Variants in IRF8 observed in about 807,000 individuals in gnomAD.
The protein encoded by IRF8 is interferon consensus sequence binding protein 1.
IRF8 carries 14 observed loss-of-function variants against 48.7 expected under a neutral mutation model. The ratio of observed to expected loss-of-function variants is 0.29; its 90% confidence interval spans 0.19 to 0.45. IRF8 has a LOEUF of 0.45. Among genes scored for constraint, IRF8 ranks in the 20% least tolerant of loss-of-function variants. The pLI, the probability that IRF8 is intolerant of heterozygous loss-of-function variation, is 1.00. For synonymous variants in IRF8, 278 were observed against 227.3 expected, an observed-to-expected ratio of 1.22 and a Z score of -2.01; for missense variants, 493 against 580.7, an observed-to-expected ratio of 0.85 and a Z score of 1.55.
At chr16:85,916,170 C>T (rs756788266) in intron 6 of IRF8, among the ~76,000 whole-genome samples, 26 of 152,222 alleles carry the variant, frequency 1.7e-4, no homozygotes, top group Non-Finnish European at 3.2e-4. Flanking sequence ...CAAATACAAG[C>T]TCCGATAATC....
rs906335662 is a variant in IRF8 at position 85,918,077 on chromosome 16, T to C, written c.602-340T>C. On this transcript the variant is annotated intron_variant, in intron 6 of 8. Transcript: ENST00000268638. ...TGAGACGGAGTATTGTCATAAGAAA[T>C]GAGTTGTCGAAACATCGTTTGCCCT... Among the ~76,000 whole-genome samples, 3 of 152,298 alleles carry C rather than the reference T, an allele frequency of 2.0e-5. No individual in the cohort carries two copies. The East Asian group carries it at 5.8e-4, about 29-fold the overall frequency.
At chr16:85,915,175 G>A (rs549378269) in intron 6 of IRF8, among the ~76,000 whole-genome samples, 1 of 152,246 alleles carries the variant, frequency 6.6e-6, no homozygotes, top group African/African-American at 2.4e-5. Context: ...TGGCCTTTGT[G>A]TGTAGTCTCA....
intron 1 of IRF8, among the ~76,000 whole-genome samples, chr16:85,901,895 G>A (rs1398649692): frequency 6.6e-6 from 1 of 151,732 alleles, no homozygotes; most frequent in African/African-American, 2.4e-5. Context: ...TGCCCAAAGA[G>A]GTCACATTTT....
chr16:85,913,338 C>G (rs904459632), intron 5 of IRF8, 102 bp downstream of exon 5: 2 of 840,386 alleles, frequency 2.4e-6, no homozygotes, highest in Non-Finnish European at 4.0e-6. Flanking sequence ...CTATCATGAT[C>G]CATGTCTCAT....
At chr16:85,918,319 G>C (rs564337533) in intron 6 of IRF8, 98 bp from the exon 7 acceptor site, 78 of 1,388,832 alleles carry the variant, frequency 5.6e-5, no homozygotes, top group Admixed American at 2.2e-4. Context: ...GACACACAAA[G>C]AGTTACCCGT....
chr16:85,903,142 G>T lies in IRF8; in HGVS notation c.127G>T (p.Ala43Ser). 1 of 1,614,190 alleles carries T rather than the reference G, an allele frequency of 6.2e-7. No individual in the cohort carries two copies. Among genetic ancestry groups the T allele is most frequent in the South Asian group, 1.1e-5 (1 of 91,082 alleles). ...KSMFRIPWKH[A>S]GKQDYNQEVD... ...CATGTTCCGGATCCCTTGGAAACAC[G>T]CTGGCAAGCAAGATTATAATCAGGA... Residue 43 changes from alanine (A) to serine (S), a missense_variant, in exon 2 of 9, where the codon GCT (alanine) becomes TCT (serine). Transcript: ENST00000268638.
chr16:85,918,354 T>G lies in IRF8; in HGVS notation c.602-63T>G, dbSNP rs750704275. ...TGTAGGTGTGAGACAGACTGTGCAC[T>G]TGGGCAGGAGGGACCCTGTATGTCT... is the stretch of plus-strand genomic sequence containing the variant. On this transcript the variant is annotated intron_variant, in intron 6 of 8. Coordinates refer to ENST00000268638, the MANE Select transcript of IRF8 (RefSeq NM_002163.4). 1.2e-5 allele frequency: 18 copies of G among 1,551,528 alleles called. No homozygotes were observed. The African/African-American group carries it at 2.4e-4, about 21-fold the overall frequency.
rs776710272 is a variant in IRF8, at chr16:85,918,577, G to A, written c.762G>A (p.Pro254=). The A allele has an allele frequency of 5.6e-6, 9 of 1,605,388 alleles. No homozygotes were observed. The highest frequency in any genetic ancestry group is 1.1e-5 in the South Asian group (1 of 90,966). ...GCCTGGAGCTGGTGCGCTTCCCGCC[G>A]GCCGACGCCATCCCCAGCGAGCGAC... The part of the protein sequence containing the change: ...PEGLELVRFP[P]ADAIPSERQR... Residue 254 remains proline, a synonymous_variant, in exon 7 of 9, where the codon CCG becomes CCA. Transcript: ENST00000268638.
chr16:85,899,868 C>G (rs751561886), intron 1 of IRF8, among the ~76,000 whole-genome samples: 33 of 152,186 alleles, frequency 2.2e-4, no homozygotes, highest in Non-Finnish European at 4.6e-4. Context: ...ATAGGACAGA[C>G]TTTCCTAAGG....
At chr16:85,902,426 C>T (rs961647627) in intron 1 of IRF8, among the ~76,000 whole-genome samples, 1 of 152,140 alleles carries the variant, frequency 6.6e-6, no homozygotes, top group Non-Finnish European at 1.5e-5. Flanking sequence ...TGAGCGGTGG[C>T]GGGACTTGAA....
chr16:85,905,167 T>C (rs1480411967), intron 2 of IRF8, among the ~76,000 whole-genome samples: 4 of 152,222 alleles, frequency 2.6e-5, no homozygotes, highest in Non-Finnish European at 5.9e-5. Flanking sequence ...TGATAAGAGC[T>C]GGCCACTGCC....
intron 6 of IRF8, among the ~76,000 whole-genome samples, chr16:85,916,745 G>C (rs923049056): frequency 6.6e-6 from 1 of 152,216 alleles, no homozygotes; most frequent in African/African-American, 2.4e-5. Flanking sequence ...AAGTTCGAAA[G>C]TTGCTTCAGG....
At chr16:85,916,143 C>G (rs1006975027) in intron 6 of IRF8, among the ~76,000 whole-genome samples, 5 of 152,314 alleles carry the variant, frequency 3.3e-5, no homozygotes, top group Middle Eastern at 3.4e-3. Flanking sequence ...TTAACTGGTG[C>G]TTACCTGTGC....
In IRF8 at chr16:85,909,103, G is replaced by C. The variant is rs111379528; in HGVS notation, c.288G>C (p.Thr96=). The part of the protein sequence containing the change: ...LNKSPDFEEV[T]DRSQLDISEP... ...AGAGCCCAGATTTTGAGGAAGTGAC[G>C]GACCGGTCCCAACTGGACATTTCCG... The change falls in exon 3 of 9, where the codon ACG becomes ACC. Residue 96 remains threonine (T), a synonymous_variant. Transcript: ENST00000268638. 2.5e-6 allele frequency: 4 copies of C among 1,614,148 alleles called. No individual in the cohort carries two copies. The highest frequency in any genetic ancestry group is 3.4e-6 in the Non-Finnish European group (4 of 1,180,008).
intron 2 of IRF8, among the ~76,000 whole-genome samples, chr16:85,908,735 G>A (rs1481459084): frequency 1.3e-5 from 2 of 152,218 alleles, no homozygotes; most frequent in Non-Finnish European, 2.9e-5. Context: ...CCTTCAGCCT[G>A]GGTTCGACTT....
At chr16:85,899,489 C>T in intron 1 of IRF8, among the ~76,000 whole-genome samples, 1 of 152,244 alleles carries the variant, frequency 6.6e-6, no homozygotes, top group East Asian at 1.9e-4. Flanking sequence ...TTCTTTAAAT[C>T]TGGTTTACAT....
chr16:85,899,830 A>G (rs1904770149), intron 1 of IRF8, among the ~76,000 whole-genome samples: 1 of 152,186 alleles, frequency 6.6e-6, no homozygotes, highest in Non-Finnish European at 1.5e-5. Flanking sequence ...TATTGAAAGA[A>G]CATTGTTTGT....
chr16:85,920,068 T>G (rs1171557725), intron 7 of IRF8, 41 bp from the exon 8 acceptor site: 1 of 1,467,474 alleles, frequency 6.8e-7, no homozygotes, highest in Non-Finnish European at 9.5e-7. Context: ...GGAGGTCATC[T>G]CGGCCTTGCT....
chr16:85,900,391 C>G (rs529966967), intron 1 of IRF8, among the ~76,000 whole-genome samples: 1 of 152,298 alleles, frequency 6.6e-6, no homozygotes, highest in East Asian at 1.9e-4. Flanking sequence ...TGTGATTAGA[C>G]TTATTAATTT....
Sources: allele counts gnomAD v4.1 joint callset (sites outside exome capture counted in the v4.1 genomes callset), GRCh38; gene constraint gnomAD v4.1.1; transcripts MANE v1.5; gene names NCBI Gene and HGNC (gene_info 2026-07-23, HGNC 2026-07-21).